CDH18: variants seen among roughly 807,000 people sequenced by gnomAD.
CDH18 encodes the protein cadherin 18.
In CDH18, 31 loss-of-function variants were observed where a neutral mutation model predicts 67.9. The ratio of observed to expected loss-of-function variants is 0.46; its 90% CI spans 0.34 to 0.62. CDH18 has a LOEUF of 0.62. Among genes scored for constraint, CDH18 ranks in the 20% least tolerant of loss-of-function variants. CDH18 has a pLI of 0.01. For synonymous variants in CDH18, 362 were observed against 347.2 expected, an observed-to-expected ratio of 1.04 and a Z score of -0.48; for missense variants, 890 against 975.5, an observed-to-expected ratio of 0.91 and a Z score of 1.17.
In CDH18 at chr5:19,725,409, A is replaced by G. The variant is rs960519095; in HGVS notation, c.524-3943T>C. On this transcript the variant is annotated intron_variant, in intron 4 of 12. Coordinates refer to ENST00000382275, the MANE Select transcript of CDH18 (RefSeq NM_004934.5). ...ACAAAGTCTGTTGTTAGGTACCCAG[A>G]TTAGACTTTAAATGTGCAGCAAGCT... 1.4e-4 allele frequency among the ~76,000 whole-genome samples: 21 copies of G among 152,344 alleles called. 1 individual carries two copies. Among genetic ancestry groups the G allele is most frequent in the Admixed American group, 9.1e-4 (14 of 15,304 alleles).
chr5:19,483,683 A>C (rs1325558321), intron 11 of CDH18, 131 bp from the exon 12 acceptor site: 13 of 897,590 alleles, frequency 1.4e-5, no homozygotes, highest in Non-Finnish European at 1.9e-5. Context: ...AGGGAACACG[A>C]AGGGGCAATT....
chr5:19,750,782 T>A (rs1430787372), intron 3 of CDH18, among the ~76,000 whole-genome samples: 4 of 133,650 alleles, frequency 3.0e-5, no homozygotes, highest in South Asian at 2.7e-4. Context: ...CCACTTTTTT[T>A]AAATCAGTTT....
At chr5:20,069,527 C>T (rs1743281344) in intron 2 of CDH18, among the ~76,000 whole-genome samples, 1 of 151,996 alleles carries the variant, frequency 6.6e-6, no homozygotes, top group African/African-American at 2.4e-5. Flanking sequence ...AGTCTCCTGC[C>T]TCAGCCTCCC....
intron 1 of CDH18, among the ~76,000 whole-genome samples, chr5:20,358,998 T>A (rs1464390104): frequency 1.3e-5 from 2 of 150,244 alleles, no homozygotes; most frequent in Non-Finnish European, 3.0e-5. Flanking sequence ...AATGGCGTGA[T>A]CTCAGCTCAC....
At chr5:19,618,051 T>C (rs956363751) in intron 5 of CDH18, among the ~76,000 whole-genome samples, 2 of 152,128 alleles carry the variant, frequency 1.3e-5, no homozygotes, top group African/African-American at 4.8e-5. Context: ...CACAGAAGAC[T>C]GCAAAATAAA....
At chr5:20,491,320 A>C (rs1753569688) in intron 1 of CDH18, among the ~76,000 whole-genome samples, 1 of 152,088 alleles carries the variant, frequency 6.6e-6, no homozygotes, top group African/African-American at 2.4e-5. Context: ...CCACAAGAAA[A>C]CCAGGTAATG....
intron 1 of CDH18, among the ~76,000 whole-genome samples, chr5:20,502,150 G>A (rs1754373466): frequency 6.6e-6 from 1 of 152,074 alleles, no homozygotes; most frequent in Non-Finnish European, 1.5e-5. Flanking sequence ...GCAGAAGACA[G>A]TATTTTTAAA....
chr5:20,506,554 T>C lies in CDH18; in HGVS notation c.-580+68908A>G, dbSNP rs770584784. ...ACCACGTAAGTGGGGATGCAGATCC[T>C]ACCCCAGTTGAGCCTCCAGATGAGA... On this transcript the variant is annotated intron_variant, in intron 1 of 14. Coordinates refer to the CDH18 transcript ENST00000507958. Among the ~76,000 whole-genome samples, 10 of 152,166 alleles carry C rather than the reference T, an allele frequency of 6.6e-5. No individual in the cohort carries two copies. In the East Asian group the frequency reaches 1.4e-3, roughly 21 times the overall value.
At chr5:20,254,708 A>G (rs920570853) in intron 2 of CDH18, among the ~76,000 whole-genome samples, 13 of 152,186 alleles carry the variant, frequency 8.5e-5, no homozygotes, top group Non-Finnish European at 1.9e-4. Flanking sequence ...AGAAGTTTGG[A>G]GAGTTCTCAA....
intron 2 of CDH18, among the ~76,000 whole-genome samples, chr5:20,053,322 C>A (rs1741608805): frequency 6.6e-6 from 1 of 151,784 alleles, no homozygotes; most frequent in African/African-American, 2.4e-5. Context: ...CATACACACA[C>A]ACACACACAA....
chr5:20,526,266 C>T (rs1444111958), intron 1 of CDH18, among the ~76,000 whole-genome samples: 3 of 152,110 alleles, frequency 2.0e-5, no homozygotes, highest in Admixed American at 2.0e-4. Context: ...TCTCATTTCC[C>T]TGGGACCGAG....
intron 1 of CDH18, among the ~76,000 whole-genome samples, chr5:20,402,542 A>C (rs1306199805): frequency 6.6e-6 from 1 of 152,240 alleles, no homozygotes; most frequent in African/African-American, 2.4e-5. Context: ...ATTGGGTCAC[A>C]TATTTTTTAT....
At chr5:20,526,577 C>T (rs1445814533) in intron 1 of CDH18, among the ~76,000 whole-genome samples, 2 of 152,102 alleles carry the variant, frequency 1.3e-5, no homozygotes, top group Non-Finnish European at 2.9e-5. Context: ...GCAACCTTTG[C>T]TGTTCTGCAG....
At chr5:19,754,107 C>A (rs1000060695) in intron 3 of CDH18, among the ~76,000 whole-genome samples, 1 of 151,706 alleles carries the variant, frequency 6.6e-6, no homozygotes, top group Admixed American at 6.6e-5. Context: ...AAAAAACCCC[C>A]AAAAAACCAA....
chr5:19,539,973 G>C (rs1749992271), intron 9 of CDH18, among the ~76,000 whole-genome samples: 1 of 151,912 alleles, frequency 6.6e-6, no homozygotes, highest in South Asian at 2.1e-4. Context: ...TCCTCCAAAG[G>C]CTTAACTCAT....
intron 1 of CDH18, among the ~76,000 whole-genome samples, chr5:20,546,178 C>T (rs1212029019): frequency 1.3e-5 from 2 of 152,096 alleles, no homozygotes; most frequent in African/African-American, 4.8e-5. Context: ...CCTGGACTTC[C>T]TTTTCCATGT....
At chr5:19,813,824 T>C (rs1017634919) in intron 3 of CDH18, among the ~76,000 whole-genome samples, 3 of 152,136 alleles carry the variant, frequency 2.0e-5, no homozygotes, top group Non-Finnish European at 4.4e-5. Context: ...TTATTGACAC[T>C]AATGTGCCAA....
intron 2 of CDH18, among the ~76,000 whole-genome samples, chr5:20,237,667 T>TA (rs1342172282): frequency 6.6e-6 from 1 of 151,890 alleles, no homozygotes; most frequent in Non-Finnish European, 1.5e-5. Context: ...AAATAACACT[T>TA]AAATAAAATG....
At chr5:20,372,457 T>C (rs1295972736) in intron 1 of CDH18, among the ~76,000 whole-genome samples, 1 of 152,152 alleles carries the variant, frequency 6.6e-6, no homozygotes, top group Non-Finnish European at 1.5e-5. Context: ...TATTTCACTG[T>C]ATTTCTGCAC....
Sources: allele counts gnomAD v4.1 joint callset (sites outside exome capture counted in the v4.1 genomes callset), GRCh38; gene constraint gnomAD v4.1.1; transcripts MANE v1.5; gene names NCBI Gene and HGNC (gene_info 2026-07-23, HGNC 2026-07-21).